FBN1: variants seen among roughly 807,000 people sequenced by gnomAD.
The protein encoded by FBN1 is fibrillin 1.
A neutral mutation model predicts 365.1 loss-of-function variants in FBN1; 29 were observed. The ratio of observed to expected loss-of-function variants is 0.08; its 90% CI spans 0.06 to 0.11. FBN1 has a LOEUF of 0.11. Among genes scored for constraint, FBN1 ranks in the 10% least tolerant of loss-of-function variants. The probability of loss-of-function intolerance (pLI) is 1.00; values close to 1 mark genes in which losing one functional copy is unlikely to be tolerated. For missense variants in FBN1, 2,476 were observed against 3,703.2 expected (o/e 0.67, Z 8.60); for synonymous variants, 1,210 against 1,270.5 (o/e 0.95, Z 1.01).
intron 4 of FBN1, among the ~76,000 whole-genome samples, chr15:48,601,500 G>A (rs1002326435): frequency 6.6e-6 from 1 of 152,160 alleles, no homozygotes; most frequent in Non-Finnish European, 1.5e-5. Flanking sequence ...TTTAGCTAAG[G>A]AGAAGAGAAT....
Position 48,470,701 on chromosome 15 carries a change from G to A in FBN1, c.4392C>T (p.Leu1464=), listed in dbSNP as rs2043365931. 2 of 1,613,960 alleles carry A rather than the reference G, an allele frequency of 1.2e-6. No homozygotes were observed. The highest frequency in any genetic ancestry group is 1.1e-5 in the South Asian group (1 of 91,064). The change falls in exon 36 of 66, where the codon CTC becomes CTT. Residue 1464 remains leucine, a synonymous_variant. Transcript: ENST00000316623. ...NICVFGTCHN[L]PGLFRCECEI... ...CACACTCACAGCGGAACAGGCCAGG[G>A]AGGTTGTGGCAAGTTCCAAAGACAC... is the stretch of plus-strand genomic sequence containing the variant.
At chr15:48,573,030 G>A (rs2044317897) in intron 6 of FBN1, among the ~76,000 whole-genome samples, 1 of 152,082 alleles carries the variant, frequency 6.6e-6, no homozygotes, top group Admixed American at 6.6e-5. Flanking sequence ...TAAATGAAGG[G>A]CACCTGCTGG....
At chr15:48,540,530 T>A (rs183137972) in intron 6 of FBN1, among the ~76,000 whole-genome samples, 232 of 152,306 alleles carry the variant, frequency 1.5e-3, no homozygotes, top group Non-Finnish European at 2.9e-3. Flanking sequence ...GTTCAGTAAT[T>A]TTCTTACTGT....
At chr15:48,557,069 G>A (rs941816427) in intron 6 of FBN1, among the ~76,000 whole-genome samples, 4 of 152,158 alleles carry the variant, frequency 2.6e-5, no homozygotes, top group African/African-American at 7.2e-5. Context: ...GGGGAGTTGA[G>A]TGCACACTAC....
chr15:48,486,951 A>G, intron 29 of FBN1, 124 bp downstream of exon 29: 4 of 755,120 alleles, frequency 5.3e-6, no homozygotes, highest in Non-Finnish European at 7.4e-6. Flanking sequence ...GATGAAAACA[A>G]AACTCAGAGT....
At chr15:48,629,469 A>G (rs1175702895) in intron 2 of FBN1, among the ~76,000 whole-genome samples, 1 of 152,220 alleles carries the variant, frequency 6.6e-6, no homozygotes, top group Non-Finnish European at 1.5e-5. Flanking sequence ...AATAAAATTT[A>G]TGACTCAATT....
At chr15:48,481,863 A>G (rs569747137) in intron 31 of FBN1, 83 bp from the exon 32 acceptor site, 1 of 1,353,068 alleles carries the variant, frequency 7.4e-7, no homozygotes, top group South Asian at 1.2e-5. Context: ...AACTATGACA[A>G]ATACATTAGA....
At position 48,488,218 on chromosome 15, in the gene FBN1, G is replaced by A; in HGVS notation, c.3232C>T (p.Pro1078Ser). The change falls in exon 27 of 66, where the codon CCT becomes TCT. Residue 1078 changes from proline (P) to serine (S), a missense_variant. Coordinates refer to ENST00000316623, the MANE Select transcript of FBN1 (RefSeq NM_000138.5). ...CTDIDECRIS[P>S]DLCGRGQCVN... is the part of the protein sequence containing the mutation. ...CACTGGCCTCTGCCACAGAGGTCAGGAGATATGCGGCATTCGTCAATGTCT... is the reference window on the plus strand; with the variant it reads ...CACTGGCCTCTGCCACAGAGGTCAGAAGATATGCGGCATTCGTCAATGTCT... 6.2e-7 allele frequency: 1 copy of A among 1,614,224 alleles called. No individual in the cohort carries two copies. Among genetic ancestry groups the A allele is most frequent in the South Asian group, 1.1e-5 (1 of 91,086 alleles).
Position 48,465,704 on chromosome 15 carries a change from C to A in FBN1, c.4817-11G>T. On this transcript the variant is annotated splice_polypyrimidine_tract_variant and intron_variant, in intron 39 of 65. Transcript: ENST00000316623. ...GGCACTCATCAATATCTATCAAAAT[C>A]AAAACAAAGGCATTCCTTTAGCATT... is the stretch of plus-strand genomic sequence containing the variant. The A allele has an allele frequency of 5.0e-6, 8 of 1,613,860 alleles. No homozygotes were observed. Among genetic ancestry groups the A allele is most frequent in the South Asian group, 2.2e-5 (2 of 91,044 alleles).
intron 22 of FBN1, 75 bp from the exon 23 acceptor site, chr15:48,494,329 AG>A: frequency 9.1e-7 from 1 of 1,100,724 alleles, no homozygotes; most frequent in Non-Finnish European, 1.4e-6. Context: ...GTTCTGACAT[AG>A]TGTAAGAAAC....
At chr15:48,581,593 A>G (rs1207791001) in intron 6 of FBN1, among the ~76,000 whole-genome samples, 1 of 152,176 alleles carries the variant, frequency 6.6e-6, no homozygotes, top group Non-Finnish European at 1.5e-5. Flanking sequence ...TCCTTGACAA[A>G]ATTAATTCTA....
At chr15:48,593,997 C>G (rs1351839989) in intron 6 of FBN1, among the ~76,000 whole-genome samples, 1 of 152,136 alleles carries the variant, frequency 6.6e-6, no homozygotes, top group Admixed American at 6.6e-5. Flanking sequence ...TCGGAAGTCA[C>G]CCTGAATACT....
chr15:48,615,066 G>C (rs1365105820), intron 2 of FBN1, among the ~76,000 whole-genome samples: 1 of 152,184 alleles, frequency 6.6e-6, no homozygotes, highest in Non-Finnish European at 1.5e-5. Flanking sequence ...AGCTGGGGTA[G>C]AGGGGAACGC....
chr15:48,483,374 T>C (rs1439910536), intron 31 of FBN1, among the ~76,000 whole-genome samples: 2 of 152,178 alleles, frequency 1.3e-5, no homozygotes, highest in African/African-American at 2.4e-5. Flanking sequence ...AAAGGCAGAT[T>C]AGAGATCGTA....
At chr15:48,433,420 A>G (rs1043553551) in intron 54 of FBN1, among the ~76,000 whole-genome samples, 3 of 152,000 alleles carry the variant, frequency 2.0e-5, no homozygotes, top group Admixed American at 6.6e-5. Flanking sequence ...ACAGAAACCA[A>G]CTCCTCCAAT....
intron 2 of FBN1, among the ~76,000 whole-genome samples, chr15:48,638,522 T>C (rs1890139278): frequency 1.3e-5 from 2 of 152,208 alleles, no homozygotes; most frequent in African/African-American, 4.8e-5. Context: ...TCTTCATTTG[T>C]TAAATGAATA....
At chr15:48,524,383 C>A (rs1182108157) in intron 9 of FBN1, among the ~76,000 whole-genome samples, 1 of 152,130 alleles carries the variant, frequency 6.6e-6, no homozygotes, top group African/African-American at 2.4e-5. Flanking sequence ...CCTACTCATT[C>A]CAAACAACTG....
chr15:48,441,897 T>A (rs1310254236), intron 49 of FBN1, 51 bp from the exon 50 acceptor site: 1 of 1,602,364 alleles, frequency 6.2e-7, no homozygotes, highest in Non-Finnish European at 8.5e-7. Flanking sequence ...GGAGACATCA[T>A]CAGGTACCAA....
intron 2 of FBN1, among the ~76,000 whole-genome samples, chr15:48,637,813 T>TA (rs1382930892): frequency 1.3e-5 from 2 of 152,206 alleles, no homozygotes; most frequent in Non-Finnish European, 2.9e-5. Context: ...AGTCACTTTT[T>TA]ATCACGTAGA....
Sources: gnomAD v4.1 joint callset for allele counts (sites outside exome capture counted in the v4.1 genomes callset) on GRCh38, gnomAD v4.1.1 for gene constraint, MANE v1.5 for transcripts, NCBI Gene and HGNC (gene_info 2026-07-23, HGNC 2026-07-21) for gene names.